The following EIF2B1 variants were observed in gnomAD, a reference collection of about 807,000 sequenced individuals.
The protein encoded by EIF2B1 is eukaryotic translation initiation factor 2B subunit alpha.
EIF2B1 carries 30 observed loss-of-function variants against 36.8 expected under a neutral mutation model. That is an observed-to-expected ratio of 0.81 (90% CI 0.61 to 1.10). The LOEUF (loss-of-function observed/expected upper bound fraction) is 1.10. EIF2B1 is among the 50% of genes least tolerant of loss of function. EIF2B1 has a pLI of 0.00. For synonymous variants in EIF2B1, 139 were observed against 142.2 expected (o/e 0.98, Z 0.16); for missense variants, 271 against 374.8 (o/e 0.72, Z 2.29).
At position 123,630,457 on chromosome 12, in the gene EIF2B1, T is replaced by G. The variant is rs777547006; in HGVS notation, c.192A>C (p.Ala64=). 3 of 1,614,078 alleles carry G rather than the reference T, an allele frequency of 1.9e-6. No individual in the cohort carries two copies. The Admixed American group carries it at 5.0e-5, about 27-fold the overall frequency. Residue 64 remains alanine, a synonymous_variant, in exon 3 of 9, where the codon GCA becomes GCC. Coordinates refer to ENST00000424014, the MANE Select transcript of EIF2B1 (RefSeq NM_001414.4). This position sits in a 1 kb window ranked among gnomAD's most constrained non-coding sequence, Gnocchi z 4.6. ...GGAAGAGCTCCCCGCCAGAGGACAC[T>G]GCCACAGAGGAGTCCACACCACACA... is the stretch of plus-strand genomic sequence containing the variant. ...ETLCGVDSSV[A]VSSGGELFLR...
chr12:123,622,945 A>G (rs914065754), intron 7 of EIF2B1, among the ~76,000 whole-genome samples, 184 bp from the exon 8 acceptor site: 1 of 150,384 alleles, frequency 6.6e-6, no homozygotes, highest in Non-Finnish European at 1.5e-5. Flanking sequence ...CCTCGTCTCA[A>G]TTACAATAAA....
intron 4 of EIF2B1, chr12:123,629,965 T>A: frequency 3.1e-6 from 2 of 636,248 alleles, no homozygotes; most frequent in Non-Finnish European, 2.8e-6. Flanking sequence ...CCCTTACATG[T>A]CTTGCCTCAT....
At chr12:123,631,464 G>A (rs1593783056) in intron 2 of EIF2B1, among the ~76,000 whole-genome samples, 1 of 151,998 alleles carries the variant, frequency 6.6e-6, no homozygotes, top group African/African-American at 2.4e-5. Flanking sequence ...CCTGAGGCTA[G>A]GAGTTTAAGA....
At chr12:123,626,365 T>C (rs2135763069) in intron 6 of EIF2B1, 60 bp downstream of exon 6, 1 of 1,602,592 alleles carries the variant, frequency 6.2e-7, no homozygotes, top group Non-Finnish European at 8.5e-7. Flanking sequence ...ATCTGAAAAC[T>C]TGCTGTAAGC....
At chr12:123,631,730 C>G (rs1955189551) in intron 2 of EIF2B1, among the ~76,000 whole-genome samples, 1 of 151,916 alleles carries the variant, frequency 6.6e-6, no homozygotes, top group African/African-American at 2.4e-5. Context: ...TGGCATGAAC[C>G]TGGGAAGCGG....
At chr12:123,624,256 CTT>C (rs11289720) in intron 7 of EIF2B1, among the ~76,000 whole-genome samples, 56 of 129,060 alleles carry the variant, frequency 4.3e-4, no homozygotes, top group African/African-American at 3.5e-4. Flanking sequence ...ATAAATTACA[CTT>C]TTTTTTTTTT....
intron 7 of EIF2B1, among the ~76,000 whole-genome samples, chr12:123,624,283 CAG>C (rs1955131639): frequency 7.6e-6 from 1 of 132,330 alleles, no homozygotes; most frequent in South Asian, 2.3e-4. Flanking sequence ...TTTACTGAGA[CAG>C]GGTCTCACCA....
Position 123,621,589 on chromosome 12 carries a change from A to C in EIF2B1, c.*167T>G. The C allele has an allele frequency of 1.2e-6, 1 of 801,924 alleles. No homozygotes were observed. The highest frequency in any genetic ancestry group is 1.6e-5 in the South Asian group (1 of 64,098). The allele number at this position is 801,924 out of a possible 1,614,324, so 49.7% of individuals were successfully genotyped here. On this transcript the variant is annotated 3_prime_UTR_variant, in exon 9 of 9. Coordinates refer to ENST00000424014, the MANE Select transcript of EIF2B1 (RefSeq NM_001414.4). The stretch of plus-strand genomic sequence containing the variant: ...AATAGCTGACACATTTTTAGATGGG[A>C]CTGAAATGAGTAAGAAAGGTTCTCC...
Position 123,624,870 on chromosome 12 carries a change from GA to G in EIF2B1, c.552-9del, listed in dbSNP as rs770695594. 2.5e-6 allele frequency: 4 copies of G among 1,613,306 alleles called. No homozygotes were observed. The highest frequency in any genetic ancestry group is 3.4e-6 in the Non-Finnish European group (4 of 1,179,414). ...GCTTTCTCCATGATGTAGCTAAGGG[GA>G]AAAAAAGCTTTTCATGCTTTATTTT... On this transcript the variant is annotated splice_polypyrimidine_tract_variant and intron_variant, in intron 6 of 8. Transcript: ENST00000424014.
At chr12:123,629,558 C>T (rs1593781921) in intron 4 of EIF2B1, among the ~76,000 whole-genome samples, 5 of 152,280 alleles carry the variant, frequency 3.3e-5, no homozygotes, top group Admixed American at 3.3e-4. Flanking sequence ...CTTTGGGAGG[C>T]CGAAGCGGGT....
chr12:123,623,301 G>A (rs893478393), intron 7 of EIF2B1, among the ~76,000 whole-genome samples: 10 of 151,994 alleles, frequency 6.6e-5, no homozygotes, highest in African/African-American at 1.9e-4. Context: ...CAGGAGACTC[G>A]CTTGAACCCG....
chr12:123,631,994 GCA>G (rs1310522346), intron 2 of EIF2B1, among the ~76,000 whole-genome samples: 1 of 150,750 alleles, frequency 6.6e-6, no homozygotes, highest in Non-Finnish European at 1.5e-5. Context: ...AAACGGCCGG[GCA>G]CAGTGGCTCA....
In EIF2B1 at chr12:123,622,697, TC is replaced by T. The variant is rs1280920616; in HGVS notation, c.691del (p.Glu231LysfsTer11). The T allele has an allele frequency of 6.2e-7, 1 of 1,614,262 alleles. No homozygotes were observed. Among genetic ancestry groups the T allele is most frequent in the East Asian group, 2.2e-5 (1 of 44,896 alleles). On this transcript the variant is annotated frameshift_variant, in exon 8 of 9. Transcript: ENST00000424014. LOFTEE classifies it high-confidence loss of function. ...AQNKPFYVVA[E>X]SFKFVRLFPL... Reference sequence around the variant, plus strand: ...AAAGAGCCGGACAAACTTGAAACTTTCTGCAACCACATAGAAAGGTTTGTTC... The same window carrying T: ...AAAGAGCCGGACAAACTTGAAACTTTTGCAACCACATAGAAAGGTTTGTTC...
chr12:123,632,862 C>G (rs1017509663), intron 1 of EIF2B1, among the ~76,000 whole-genome samples: 1 of 147,074 alleles, frequency 6.8e-6, no homozygotes, highest in East Asian at 2.0e-4. Flanking sequence ...AGGAGAATGG[C>G]GTGAACCCGG....
chr12:123,627,991 ACT>A (rs1295631805), intron 4 of EIF2B1, among the ~76,000 whole-genome samples: 5 of 152,178 alleles, frequency 3.3e-5, no homozygotes, highest in South Asian at 2.1e-4. Flanking sequence ...ATTTATAAAC[ACT>A]GTTTGGGGTA....
intron 6 of EIF2B1, 150 bp downstream of exon 6, chr12:123,626,275 G>T: frequency 1.2e-6 from 1 of 841,792 alleles, no homozygotes; most frequent in Non-Finnish European, 1.9e-6. Context: ...CTCATAACAA[G>T]CTTGCTGGTT....
At position 123,630,136 on chromosome 12, in the gene EIF2B1, T is replaced by C; in HGVS notation, c.369+33A>G. 1.3e-6 allele frequency: 2 copies of C among 1,598,318 alleles called. No homozygotes were observed. The highest frequency in any genetic ancestry group is 8.6e-7 in the Non-Finnish European group (1 of 1,166,482). On this transcript the variant is annotated intron_variant, in intron 4 of 8. Coordinates refer to ENST00000424014, the MANE Select transcript of EIF2B1 (RefSeq NM_001414.4). The surrounding 1 kb of genome is among the most constrained non-coding windows in gnomAD (Gnocchi z 4.6). ...AGGCAGTCGGACTCGAAACCGTTGCTCCTCCTTACCACCATGATGATTATC... is the reference window on the plus strand; with the variant it reads ...AGGCAGTCGGACTCGAAACCGTTGCCCCTCCTTACCACCATGATGATTATC...
chr12:123,626,504 C>T lies in EIF2B1; in HGVS notation c.483-11G>A. 6.2e-7 allele frequency: 1 copy of T among 1,613,978 alleles called. No homozygotes were observed. Among genetic ancestry groups the T allele is most frequent in the Non-Finnish European group, 8.5e-7 (1 of 1,179,926 alleles). Reference sequence around the variant, plus strand: ...TTGGCCATTTTCTTACTGAAGATGACATTTTGAGAACGTTAGAGAAAGTAC... The same window carrying T: ...TTGGCCATTTTCTTACTGAAGATGATATTTTGAGAACGTTAGAGAAAGTAC... On this transcript the variant is annotated splice_polypyrimidine_tract_variant and intron_variant, in intron 5 of 8. Coordinates refer to ENST00000424014, the MANE Select transcript of EIF2B1 (RefSeq NM_001414.4).
chr12:123,626,782 A>G (rs542242816), intron 5 of EIF2B1: 1 of 664,104 alleles, frequency 1.5e-6, no homozygotes, highest in East Asian at 2.7e-5. Context: ...TAAGTTACCT[A>G]TTCCTTGATA....
Sources: allele counts gnomAD v4.1 joint callset (sites outside exome capture counted in the v4.1 genomes callset), GRCh38; gene constraint gnomAD v4.1.1; non-coding constraint Gnocchi (gnomAD v3.1); transcripts MANE v1.5; gene names NCBI Gene and HGNC (gene_info 2026-07-23, HGNC 2026-07-21).